Variants in KLHL32 observed in about 807,000 individuals in gnomAD.
KLHL32 encodes kelch-like protein 32.
In KLHL32, 35 loss-of-function variants were observed where a neutral mutation model predicts 64.8. That is an observed-to-expected ratio of 0.54 (90% CI 0.41 to 0.72). KLHL32 has a LOEUF of 0.72. KLHL32 is among the 30% of genes least tolerant of loss of function. The pLI is 0.00. For synonymous variants in KLHL32, 259 were observed against 281.0 expected (o/e 0.92, Z 0.78); for missense variants, 589 against 768.5 (o/e 0.77, Z 2.76).
intron 4 of KLHL32, among the ~76,000 whole-genome samples, chr6:97,048,446 A>G (rs1281788365): frequency 6.6e-6 from 1 of 152,126 alleles, no homozygotes; most frequent in Non-Finnish European, 1.5e-5. Flanking sequence ...TTGTATCACC[A>G]TTACTGTTCT....
chr6:96,924,595 G>A (rs1327376234), upstream of KLHL32: 1 of 152,004 alleles, frequency 6.6e-6, no homozygotes, highest in Non-Finnish European at 1.5e-5. Flanking sequence ...GGGCTAGCTG[G>A]AGGCGGGAGG....
At chr6:96,951,887 C>G (rs887674260) in intron 1 of KLHL32, among the ~76,000 whole-genome samples, 1 of 152,096 alleles carries the variant, frequency 6.6e-6, no homozygotes, top group Non-Finnish European at 1.5e-5. Flanking sequence ...CCTGGAGTAG[C>G]GTTGTTTTGT....
chr6:96,932,579 T>G (rs1770064724), intron 1 of KLHL32, among the ~76,000 whole-genome samples: 2 of 137,590 alleles, frequency 1.5e-5, no homozygotes, highest in South Asian at 2.9e-4. Context: ...CCCCCCCTTT[T>G]TTTTTTTGAG....
intron 3 of KLHL32, among the ~76,000 whole-genome samples, chr6:97,005,826 A>G (rs1779598153): frequency 6.6e-6 from 1 of 151,938 alleles, no homozygotes; most frequent in South Asian, 2.1e-4. Context: ...TTTCTATCAG[A>G]CTGTGCTCTG....
chr6:96,979,111 G>A (rs1315318113), intron 3 of KLHL32, among the ~76,000 whole-genome samples: 1 of 152,082 alleles, frequency 6.6e-6, no homozygotes, highest in East Asian at 1.9e-4. Flanking sequence ...TTTGTTGATA[G>A]TTTCTGTTGC....
At chr6:96,977,513 G>A (rs1250184861) in intron 3 of KLHL32, among the ~76,000 whole-genome samples, 1 of 151,922 alleles carries the variant, frequency 6.6e-6, no homozygotes, top group Non-Finnish European at 1.5e-5. Context: ...TAATACTTTT[G>A]GAACATAATG....
At chr6:96,901,163 G>A in the KLHL32 span, among the ~76,000 whole-genome samples, 14 of 152,102 alleles carry the variant, frequency 9.2e-5, no homozygotes, top group African/African-American at 3.1e-4. Context: ...CATGACTTTT[G>A]TCATTGTATT....
At chr6:96,933,829 C>A (rs1770238525) in intron 1 of KLHL32, among the ~76,000 whole-genome samples, 1 of 152,136 alleles carries the variant, frequency 6.6e-6, no homozygotes, top group African/African-American at 2.4e-5. Flanking sequence ...CAGATCAGTA[C>A]TGAAAATCTC....
At chr6:97,121,601 C>G (rs1239112143) in intron 7 of KLHL32, among the ~76,000 whole-genome samples, 1 of 151,670 alleles carries the variant, frequency 6.6e-6, no homozygotes, top group African/African-American at 2.4e-5. Context: ...CTACAGGAGT[C>G]TAATGGCCTT....
intron 7 of KLHL32, among the ~76,000 whole-genome samples, chr6:97,123,922 T>C (rs970194070): frequency 6.6e-6 from 1 of 152,196 alleles, no homozygotes; most frequent in African/African-American, 2.4e-5. Context: ...GAGACTGTTA[T>C]TAATTCCATA....
chr6:96,938,114 G>A (rs1770836185), intron 1 of KLHL32, among the ~76,000 whole-genome samples: 1 of 152,144 alleles, frequency 6.6e-6, no homozygotes, highest in African/African-American at 2.4e-5. Flanking sequence ...AAGCCCCTAG[G>A]AGTTGACTAT....
At chr6:97,053,222 G>A (rs1737657) in intron 4 of KLHL32, among the ~76,000 whole-genome samples, 22,757 of 152,052 alleles carry the variant, frequency 0.15, 1,821 homozygotes, top group African/African-American at 0.21. Context: ...AAATGAGGCA[G>A]AGAAGATAAT....
intron 5 of KLHL32, among the ~76,000 whole-genome samples, chr6:97,073,574 C>G (rs1791106317): frequency 2.0e-5 from 3 of 152,124 alleles, no homozygotes; most frequent in Admixed American, 1.3e-4. Flanking sequence ...TCTTTCATCT[C>G]TAGTTCTAGT....
chr6:97,044,036 A>G (rs2128130003), intron 4 of KLHL32, among the ~76,000 whole-genome samples: 1 of 152,050 alleles, frequency 6.6e-6, no homozygotes, highest in Non-Finnish European at 1.5e-5. Context: ...TGTTGAATAG[A>G]AGTGGTCAAA....
intron 3 of KLHL32, among the ~76,000 whole-genome samples, chr6:97,021,064 A>G (rs1188204580): frequency 6.6e-6 from 1 of 151,018 alleles, no homozygotes; most frequent in African/African-American, 2.5e-5. Flanking sequence ...ATATAGAGAA[A>G]AAAAGATTTA....
chr6:96,985,128 T>C (rs1450505273), intron 3 of KLHL32, among the ~76,000 whole-genome samples: 1 of 152,072 alleles, frequency 6.6e-6, no homozygotes, highest in Non-Finnish European at 1.5e-5. Context: ...CCTTCACTTA[T>C]GAAGCTTAGT....
chr6:96,945,366 T>A (rs1771794301), intron 1 of KLHL32, among the ~76,000 whole-genome samples: 1 of 152,238 alleles, frequency 6.6e-6, no homozygotes, highest in South Asian at 2.1e-4. Flanking sequence ...TCCCAGCCTG[T>A]ACCCTAAGAC....
intron 4 of KLHL32, among the ~76,000 whole-genome samples, chr6:97,057,551 C>CGCCA (rs1167916376): frequency 1.4e-5 from 2 of 147,946 alleles, no homozygotes; most frequent in African/African-American, 5.1e-5. Context: ...TCTTTTACAC[C>CGCCA]CCCCTCCCGC....
chr6:96,984,334 CA>C (rs1184903076), intron 3 of KLHL32, among the ~76,000 whole-genome samples: 1 of 152,046 alleles, frequency 6.6e-6, no homozygotes, highest in East Asian at 1.9e-4. Flanking sequence ...TGCAGTGTGG[CA>C]CTGAGAAGAA....
Sources: gnomAD v4.1 joint callset for allele counts (sites outside exome capture counted in the v4.1 genomes callset) on GRCh38, gnomAD v4.1.1 for gene constraint, MANE v1.5 for transcripts, NCBI Gene and HGNC (gene_info 2026-07-23, HGNC 2026-07-21) for gene names.